Variants in NTRK2 observed in about 807,000 individuals in gnomAD.
NTRK2 encodes the protein neurotrophic receptor tyrosine kinase 2.
In NTRK2, 13 loss-of-function variants were observed where a neutral mutation model predicts 94.5. That is an observed-to-expected ratio of 0.14 (90% CI 0.09 to 0.22). The LOEUF is 0.22. NTRK2 is among the 10% of genes least tolerant of loss of function. NTRK2 has a pLI of 1.00. For synonymous variants in NTRK2, 372 were observed against 407.4 expected (o/e 0.91, Z 1.05); for missense variants, 639 against 1,071.2 (o/e 0.60, Z 5.63).
chr9:84,935,955 C>T (rs1401839351), intron 15 of NTRK2, among the ~76,000 whole-genome samples: 1 of 152,128 alleles, frequency 6.6e-6, no homozygotes, highest in Non-Finnish European at 1.5e-5. Context: ...TCTTTGGGAA[C>T]ATCTAATCCT....
intron 17 of NTRK2, among the ~76,000 whole-genome samples, chr9:84,990,451 C>T (rs1343450957): frequency 2.0e-5 from 3 of 152,140 alleles, no homozygotes; most frequent in Non-Finnish European, 4.4e-5. Context: ...GTTTTGTATT[C>T]ATTCTCGAAG....
intron 15 of NTRK2, among the ~76,000 whole-genome samples, chr9:84,945,839 G>A (rs2132852886): frequency 1.3e-5 from 2 of 152,278 alleles, no homozygotes; most frequent in Admixed American, 1.3e-4. Flanking sequence ...AAACAGAGCT[G>A]GTGGTGCTTA....
chr9:84,934,124 G>A (rs2132717026), intron 14 of NTRK2, 38 bp from the exon 15 acceptor site: 3 of 1,612,666 alleles, frequency 1.9e-6, no homozygotes, highest in Non-Finnish European at 2.5e-6. Context: ...ACCTCCACAT[G>A]CTTCAATTCC....
chr9:85,021,404 G>C lies in NTRK2; in HGVS notation c.2484G>C (p.Lys828Asn), dbSNP rs926486304. The part of the protein sequence containing the change: ...GIHTLLQNLA[K>N]ASPVYLDILG The stretch of plus-strand genomic sequence containing the variant: ...ATACCCTCCTTCAGAACTTGGCCAA[G>C]GCATCTCCGGTCTACCTGGACATTC... The change falls in exon 19 of 19, where the codon AAG becomes AAC. Residue 828 changes from lysine (K) to asparagine (N), a missense_variant. By Grantham distance (94) the Lys-to-Asn change is moderately conservative (BLOSUM62 0). Transcript: ENST00000277120. 26 of 1,614,142 alleles carry C rather than the reference G, an allele frequency of 1.6e-5. No homozygotes were observed. The highest frequency in any genetic ancestry group is 2.2e-5 in the Non-Finnish European group (26 of 1,180,014).
intron 17 of NTRK2, among the ~76,000 whole-genome samples, chr9:85,013,502 C>A (rs1831868878): frequency 6.6e-6 from 1 of 152,106 alleles, no homozygotes; most frequent in Non-Finnish European, 1.5e-5. Context: ...GGGGTTTCAC[C>A]ATGTTGGTCA....
At chr9:84,943,901 A>G (rs144087985) in intron 15 of NTRK2, among the ~76,000 whole-genome samples, 1 of 152,282 alleles carries the variant, frequency 6.6e-6, no homozygotes, top group African/African-American at 2.4e-5. Flanking sequence ...ATTTTGCCCA[A>G]GTTGTTACCA....
intron 2 of NTRK2, among the ~76,000 whole-genome samples, chr9:84,684,790 AT>A (rs1458237328): frequency 1.3e-5 from 2 of 151,942 alleles, no homozygotes; most frequent in Non-Finnish European, 2.9e-5. Context: ...AGTCATTGGT[AT>A]TTTTTTTCCG....
intron 14 of NTRK2, among the ~76,000 whole-genome samples, chr9:84,891,306 A>ATTATTTTTTTTTT: frequency 6.6e-6 from 1 of 151,498 alleles, no homozygotes; most frequent in African/African-American, 2.4e-5. Flanking sequence ...CCTTCCCTGC[A>ATTATTTTTTTTTT]TTCTTTTGGT....
rs59897758 is a variant in NTRK2 at position 84,801,628 on chromosome 9, A to G, written c.1396+49543A>G. 1.1e-4 allele frequency among the ~76,000 whole-genome samples: 17 copies of G among 152,334 alleles called. No homozygotes were observed. The East Asian group carries it at 3.1e-3, about 28-fold the overall frequency. On this transcript the variant is annotated intron_variant, in intron 12 of 18. Transcript: ENST00000277120. The stretch of plus-strand genomic sequence containing the variant: ...TGATTTTGCCCGGTTGTAGGCAAAT[A>G]TAAGTGTCTGAGCAGTTTTAAGGCA...
rs929866335 is a variant in NTRK2, at chr9:85,022,971, G to T, written c.*1534G>T. 4.3e-6 allele frequency: 1 copy of T among 233,104 alleles called. No individual in the cohort carries two copies. Among genetic ancestry groups the T allele is most frequent in the African/African-American group, 2.2e-5 (1 of 45,326 alleles). 14.4% of individuals were successfully genotyped at this position (233,104 alleles called of 1,614,324 possible). A position where few individuals can be genotyped will look rare whatever the true frequency, so the allele number is the denominator to read the frequency against. On this transcript the variant is annotated 3_prime_UTR_variant, in exon 19 of 19. Transcript: ENST00000277120. Reference sequence around the variant, plus strand: ...GTCCCTTGCTCTGGGCTCTAGTTGGGAGAGTGGTTTCATTCCAAGTGTACT... The same window carrying T: ...GTCCCTTGCTCTGGGCTCTAGTTGGTAGAGTGGTTTCATTCCAAGTGTACT...
chr9:84,882,719 T>TGTGTGTGTGTGCGC (rs761042296), intron 14 of NTRK2, among the ~76,000 whole-genome samples: 1 of 145,742 alleles, frequency 6.9e-6, no homozygotes, highest in African/African-American at 2.6e-5. Context: ...TGTGTGTGTG[T>TGTGTGTGTGTGCGC]GCGCGCGCGC....
chr9:84,684,065 T>C (rs1017623495), intron 2 of NTRK2, among the ~76,000 whole-genome samples: 8 of 152,096 alleles, frequency 5.3e-5, no homozygotes, highest in African/African-American at 1.9e-4. Context: ...TGTAAATTTG[T>C]TTAAGTTCCT....
chr9:84,783,127 T>C (rs1370215798), intron 12 of NTRK2, among the ~76,000 whole-genome samples: 1 of 151,978 alleles, frequency 6.6e-6, no homozygotes. Context: ...TAAAATATAA[T>C]GCAACAAATG....
intron 17 of NTRK2, among the ~76,000 whole-genome samples, chr9:84,957,081 C>T (rs1824232235): frequency 6.6e-6 from 1 of 152,168 alleles, no homozygotes; most frequent in African/African-American, 2.4e-5. Context: ...GCTAGTTCTA[C>T]ACCTTAATGA....
chr9:84,756,801 T>G (rs2132572233), intron 12 of NTRK2, among the ~76,000 whole-genome samples: 1 of 152,310 alleles, frequency 6.6e-6, no homozygotes, highest in Middle Eastern at 3.4e-3. Flanking sequence ...TTCCAACTAG[T>G]AAAGGCTGGA....
At chr9:84,866,042 C>T (rs2075577822) in intron 13 of NTRK2, among the ~76,000 whole-genome samples, 1 of 152,114 alleles carries the variant, frequency 6.6e-6, no homozygotes, top group East Asian at 1.9e-4. Context: ...GAAAATTTGT[C>T]TTGTACAAAA....
chr9:84,882,726 G>GCGCGCGCGCA (rs1554762213), intron 14 of NTRK2, among the ~76,000 whole-genome samples: 1 of 151,514 alleles, frequency 6.6e-6, no homozygotes, highest in Non-Finnish European at 1.5e-5. Flanking sequence ...GTGTGCGCGC[G>GCGCGCGCGCA]CGCGCGCATG....
intron 17 of NTRK2, among the ~76,000 whole-genome samples, chr9:85,015,318 T>A (rs1222412344): frequency 1.4e-4 from 22 of 152,130 alleles, no homozygotes; most frequent in Admixed American, 1.4e-3. Flanking sequence ...GACTTTATAC[T>A]CCTTGTGAAC....
At chr9:84,972,354 A>G (rs968383108) in intron 17 of NTRK2, among the ~76,000 whole-genome samples, 1 of 152,208 alleles carries the variant, frequency 6.6e-6, no homozygotes, top group African/African-American at 2.4e-5. Flanking sequence ...GGAAGTGTCC[A>G]AGTGTAGGTT....
Sources: gnomAD v4.1 joint callset for allele counts (sites outside exome capture counted in the v4.1 genomes callset) on GRCh38, gnomAD v4.1.1 for gene constraint, MANE v1.5 for transcripts, NCBI Gene and HGNC (gene_info 2026-07-23, HGNC 2026-07-21) for gene names.